Variants in VPS8 observed in about 807,000 individuals in gnomAD.
VPS8 encodes vacuolar protein sorting-associated protein 8 homolog.
In VPS8, 129 loss-of-function variants were observed where a neutral mutation model predicts 216.4. That is an observed-to-expected ratio of 0.60 (90% confidence interval 0.52 to 0.69). The LOEUF (loss-of-function observed/expected upper bound fraction) is 0.69, where lower values mean the gene tolerates loss of function less well. Among genes scored for constraint, VPS8 ranks in the 30% least tolerant of loss-of-function variants. The pLI is 0.00. For missense variants in VPS8, 1,531 were observed against 1,683.5 expected, an observed-to-expected ratio of 0.91 and a Z score of 1.59; for synonymous variants, 571 against 565.4, an observed-to-expected ratio of 1.01 and a Z score of -0.14.
intron 37 of VPS8, among the ~76,000 whole-genome samples, chr3:184,958,223 A>G (rs1745942812): frequency 6.6e-6 from 1 of 152,166 alleles, no homozygotes; most frequent in Non-Finnish European, 1.5e-5. Flanking sequence ...AAAGGAACAA[A>G]TTCGGGTACA....
At chr3:184,906,169 TTTCTC>T (rs1735455034) in intron 25 of VPS8, among the ~76,000 whole-genome samples, 1 of 152,224 alleles carries the variant, frequency 6.6e-6, no homozygotes, top group Non-Finnish European at 1.5e-5. Flanking sequence ...TATTCTGTAA[TTTCTC>T]TTGTGATACT....
intron 30 of VPS8, 100 bp downstream of exon 30, chr3:184,925,081 T>C: frequency 6.9e-7 from 1 of 1,451,730 alleles, no homozygotes; most frequent in African/African-American, 1.4e-5. Flanking sequence ...ATTGGGTAAA[T>C]ACCTTATCAA....
At chr3:184,825,239 G>A (rs1718499696) in intron 2 of VPS8, among the ~76,000 whole-genome samples, 1 of 152,122 alleles carries the variant, frequency 6.6e-6, no homozygotes, top group Admixed American at 6.5e-5. Flanking sequence ...TTTGATTCAT[G>A]TTGTCATTTG....
chr3:184,939,820 AG>A (rs1237986806), intron 35 of VPS8, among the ~76,000 whole-genome samples: 2 of 152,164 alleles, frequency 1.3e-5, no homozygotes, highest in Non-Finnish European at 2.9e-5. Context: ...CAGGAGGACC[AG>A]GTTAAGGCAA....
At chr3:184,858,709 C>G (rs934795298) in intron 14 of VPS8, among the ~76,000 whole-genome samples, 3 of 152,166 alleles carry the variant, frequency 2.0e-5, no homozygotes, top group African/African-American at 7.2e-5. Flanking sequence ...AAAACACACT[C>G]ATAATAAGCA....
chr3:184,838,740 A>G lies in VPS8; in HGVS notation c.474A>G (p.Thr158=). Residue 158 remains threonine, a synonymous_variant, in exon 6 of 48, where the codon ACA becomes ACG. Transcript: ENST00000625842. ...ACAAAGTAGATGCTGGCTTGCCTAC[A>G]GCAATTGTAAGTATACTTTAACTTT... ...AADKVDAGLP[T]AIAVSSLIAV... 1 of 1,543,066 alleles carries G rather than the reference A, an allele frequency of 6.5e-7. No homozygotes were observed. Among genetic ancestry groups the G allele is most frequent in the Non-Finnish European group, 8.7e-7 (1 of 1,144,622 alleles).
chr3:184,865,301 C>T (rs1377666346), intron 16 of VPS8, among the ~76,000 whole-genome samples: 1 of 152,072 alleles, frequency 6.6e-6, no homozygotes, highest in East Asian at 1.9e-4. Flanking sequence ...TCAGTGAACC[C>T]AAGCACAACT....
intron 3 of VPS8, among the ~76,000 whole-genome samples, chr3:184,830,074 A>T (rs966085573): frequency 3.3e-5 from 5 of 152,228 alleles, no homozygotes; most frequent in African/African-American, 7.2e-5. Flanking sequence ...AATTTTTCCA[A>T]TTCTGATGTT....
intron 46 of VPS8, among the ~76,000 whole-genome samples, chr3:185,032,136 C>G (rs984328390): frequency 8.6e-5 from 13 of 151,912 alleles, no homozygotes; most frequent in Admixed American, 7.2e-4. Flanking sequence ...TGCACTCTAG[C>G]CTGGACAACA....
At chr3:184,933,601 T>G (rs1359296618) in intron 34 of VPS8, among the ~76,000 whole-genome samples, 4 of 152,062 alleles carry the variant, frequency 2.6e-5, no homozygotes, top group African/African-American at 4.8e-5. Context: ...CTGCTTGCTT[T>G]CTTATTTCTT....
At chr3:184,855,526 T>C (rs554980445) in intron 13 of VPS8, among the ~76,000 whole-genome samples, 185 bp from the exon 14 acceptor site, 1 of 152,384 alleles carries the variant, frequency 6.6e-6, no homozygotes, top group African/African-American at 2.4e-5. Context: ...TATCAAGATG[T>C]AGAACATTAC....
At chr3:184,892,709 G>A (rs1732594326) in intron 22 of VPS8, among the ~76,000 whole-genome samples, 1 of 152,132 alleles carries the variant, frequency 6.6e-6, no homozygotes, top group Non-Finnish European at 1.5e-5. Flanking sequence ...AGAAACGTGT[G>A]GTTTTGCATT....
chr3:184,953,228 A>AGG (rs1745016871), intron 36 of VPS8, among the ~76,000 whole-genome samples: 1 of 152,236 alleles, frequency 6.6e-6, no homozygotes, highest in Non-Finnish European at 1.5e-5. Flanking sequence ...GCTTAAGACC[A>AGG]GACATCCCTG....
At chr3:184,955,755 T>C (rs1745482391) in intron 36 of VPS8, among the ~76,000 whole-genome samples, 1 of 149,590 alleles carries the variant, frequency 6.7e-6, no homozygotes, top group East Asian at 2.0e-4. Flanking sequence ...TTCAGTTCAA[T>C]ATATATTTAC....
At chr3:185,002,568 C>T (rs1246785765) in intron 45 of VPS8, among the ~76,000 whole-genome samples, 1 of 152,052 alleles carries the variant, frequency 6.6e-6, no homozygotes, top group Non-Finnish European at 1.5e-5. Flanking sequence ...GTACCCTATG[C>T]CCAGTGTGTA....
chr3:185,036,010 AG>A (rs1178500518), intron 46 of VPS8, among the ~76,000 whole-genome samples: 3 of 152,178 alleles, frequency 2.0e-5, no homozygotes, highest in African/African-American at 7.2e-5. Flanking sequence ...CACTTTCTAT[AG>A]CCATAAAACA....
rs532737310 is a variant in VPS8, at chr3:184,897,767, C to T, written c.2005-798C>T. Among the ~76,000 whole-genome samples the T allele has an allele frequency of 2.6e-5, 4 of 152,236 alleles. No individual in the cohort carries two copies. The East Asian group carries it at 7.7e-4, about 29-fold the overall frequency. On this transcript the variant is annotated intron_variant, in intron 23 of 47. Coordinates refer to ENST00000625842, the MANE Select transcript of VPS8 (RefSeq NM_001009921.3). ...CCGACTTCTGCCCTTCTCCTCTTGC[C>T]ACTGTTTATAGTATTATATAGCTGT...
chr3:184,886,947 C>A (rs185285268), intron 22 of VPS8, among the ~76,000 whole-genome samples: 1 of 152,264 alleles, frequency 6.6e-6, no homozygotes, highest in African/African-American at 2.4e-5. Flanking sequence ...AGGCTAGATT[C>A]ATTGTGCTTA....
intron 39 of VPS8, among the ~76,000 whole-genome samples, chr3:184,970,004 G>C (rs1030354763): frequency 6.9e-6 from 1 of 144,240 alleles, no homozygotes; most frequent in Non-Finnish European, 1.5e-5. Context: ...CTGCCTCCCA[G>C]GTTCAAGTAA....
Sources: allele counts gnomAD v4.1 joint callset (sites outside exome capture counted in the v4.1 genomes callset), GRCh38; gene constraint gnomAD v4.1.1; transcripts MANE v1.5; gene names NCBI Gene and HGNC (gene_info 2026-07-23, HGNC 2026-07-21).